The following POLR3B variants were observed in gnomAD, a reference collection of about 807,000 sequenced individuals.
POLR3B encodes the protein DNA-directed RNA polymerase III subunit RPC2.
Under a neutral mutation model 147.4 loss-of-function variants are expected in POLR3B, and 96 were observed. The observed-to-expected ratio is 0.65, with a 90% confidence interval of 0.55 to 0.77. POLR3B has a LOEUF of 0.77. POLR3B is among the 30% of genes least tolerant of loss of function. The probability of loss-of-function intolerance (pLI) is 0.00; values close to 1 mark genes in which losing one functional copy is unlikely to be tolerated. For synonymous variants in POLR3B, 461 were observed against 485.9 expected (o/e 0.95, Z 0.67); for missense variants, 1,036 against 1,413.5 (o/e 0.73, Z 4.28).
At chr12:106,358,001 G>A in intron 1 of POLR3B, 50 bp downstream of exon 1, 2 of 1,601,304 alleles carry the variant, frequency 1.2e-6, no homozygotes, top group Non-Finnish European at 8.5e-7. Flanking sequence ...GCGCCCTGAG[G>A]GGGCGTTGCC....
At position 106,368,322 on chromosome 12, in the gene POLR3B, T is replaced by C. The variant is rs541659009; in HGVS notation, c.228-953T>C. 2.6e-5 allele frequency among the ~76,000 whole-genome samples: 4 copies of C among 152,124 alleles called. No individual in the cohort carries two copies. In the South Asian group the frequency reaches 8.3e-4, roughly 32 times the overall value. On this transcript the variant is annotated intron_variant, in intron 4 of 27. Transcript: ENST00000228347. The stretch of plus-strand genomic sequence containing the variant: ...ACATGGACACTAAGATTTCAGCAGG[T>C]AGAGCTCAGAAATATGTGTATGTAT...
chr12:106,409,537 T>A (rs759769364), intron 11 of POLR3B, among the ~76,000 whole-genome samples: 14 of 151,782 alleles, frequency 9.2e-5, no homozygotes, highest in Non-Finnish European at 1.9e-4. Context: ...GAGAGTAAAT[T>A]GACCTAGAGA....
chr12:106,401,559 C>T (rs1399710060), intron 10 of POLR3B, among the ~76,000 whole-genome samples: 1 of 152,132 alleles, frequency 6.6e-6, no homozygotes, highest in African/African-American at 2.4e-5. Context: ...TGCAAAAATC[C>T]TCATTAAAAT....
intron 23 of POLR3B, among the ~76,000 whole-genome samples, chr12:106,468,890 TGTG>T (rs1397811662): frequency 1.3e-5 from 2 of 152,188 alleles, no homozygotes; most frequent in East Asian, 1.9e-4. Context: ...ATAAGTGCGA[TGTG>T]GTGCTGAGAA....
intron 11 of POLR3B, among the ~76,000 whole-genome samples, chr12:106,409,744 T>C (rs1316892991): frequency 6.6e-6 from 1 of 151,960 alleles, no homozygotes; most frequent in African/African-American, 2.4e-5. Context: ...GAGATTTCAT[T>C]GGGATTTTAC....
chr12:106,437,180 A>G (rs762357642), intron 17 of POLR3B, 49 bp downstream of exon 17: 6 of 1,171,588 alleles, frequency 5.1e-6, no homozygotes, highest in Admixed American at 3.5e-5. Flanking sequence ...ACCCACATAC[A>G]TGATTTAAGA....
chr12:106,494,894 TTAC>T (rs2038455958), intron 23 of POLR3B, among the ~76,000 whole-genome samples: 2 of 152,182 alleles, frequency 1.3e-5, no homozygotes, highest in African/African-American at 4.8e-5. Context: ...ATAACCAGTA[TTAC>T]CTAGGAAAAT....
At chr12:106,406,043 A>T in intron 11 of POLR3B, 67 bp downstream of exon 11, 2 of 1,550,366 alleles carry the variant, frequency 1.3e-6, no homozygotes, top group Non-Finnish European at 1.8e-6. Context: ...GAGAACTGTG[A>T]TAAGAGTTTA....
At chr12:106,391,208 C>T (rs2036908713) in intron 9 of POLR3B, among the ~76,000 whole-genome samples, 1 of 152,166 alleles carries the variant, frequency 6.6e-6, no homozygotes. Context: ...GACATAGTTT[C>T]TCACCACCGG....
In POLR3B at chr12:106,365,659, G is replaced by T. The variant is rs756890001; in HGVS notation, c.106-857G>T. ...CATTTGAGGTTGGGAGTTTGAGACC[G>T]ACTAGCCTGGCCAACATGGTGTAAC... On this transcript the variant is annotated intron_variant, in intron 2 of 27. Coordinates refer to ENST00000228347, the MANE Select transcript of POLR3B (RefSeq NM_018082.6). Among the ~76,000 whole-genome samples, 3 of 152,006 alleles carry T rather than the reference G, an allele frequency of 2.0e-5. No individual in the cohort carries two copies. The East Asian group carries it at 5.8e-4, about 29-fold the overall frequency.
intron 12 of POLR3B, among the ~76,000 whole-genome samples, chr12:106,415,658 C>T (rs981105554): frequency 2.6e-5 from 4 of 152,080 alleles, no homozygotes; most frequent in African/African-American, 9.7e-5. Flanking sequence ...GATGGTTATT[C>T]ATTTATTTTA....
intron 23 of POLR3B, 178 bp from the exon 24 acceptor site, chr12:106,495,877 T>G: frequency 2.8e-6 from 2 of 704,896 alleles, no homozygotes; most frequent in Non-Finnish European, 2.6e-6. Flanking sequence ...GAGAGTCGTT[T>G]TTGAACTGTT....
intron 10 of POLR3B, among the ~76,000 whole-genome samples, chr12:106,400,164 A>G (rs1405837656): frequency 6.6e-6 from 1 of 152,216 alleles, no homozygotes; most frequent in African/African-American, 2.4e-5. Context: ...GGAAAACAGA[A>G]AAAGGCAGGG....
At chr12:106,476,852 A>C (rs1246008358) in intron 23 of POLR3B, among the ~76,000 whole-genome samples, 3 of 152,014 alleles carry the variant, frequency 2.0e-5, no homozygotes, top group South Asian at 2.1e-4. Context: ...TCGTCTGAAG[A>C]CTTCTTCTCT....
rs117911920 is a variant in POLR3B at position 106,393,080 on chromosome 12, A to C, written c.773A>C (p.Glu258Ala). The C allele has an allele frequency of 1.0e-3, 1,685 of 1,614,234 alleles. 23 individuals carry two copies. The East Asian group carries it at 0.027, about 26-fold the overall frequency. The change falls in exon 10 of 28, where the codon GAG becomes GCG. Residue 258 changes from glutamate (E) to alanine (A), a missense_variant. Physicochemically the swap from Glu to Ala is moderately radical, Grantham distance 107 (BLOSUM62 -1). Coordinates refer to ENST00000228347, the MANE Select transcript of POLR3B (RefSeq NM_018082.6). Reference sequence around the variant, plus strand: ...GAAATTGTGCAGATGATTGGAACAGAGGAGCACGTGATGGCTGCATTTGGG... The same window carrying C: ...GAAATTGTGCAGATGATTGGAACAGCGGAGCACGTGATGGCTGCATTTGGG... Reference protein sequence around the residue: ...DQEIVQMIGTEEHVMAAFGPS... With the variant: ...DQEIVQMIGTAEHVMAAFGPS...
chr12:106,452,647 A>C (rs2037812070), intron 19 of POLR3B, among the ~76,000 whole-genome samples: 2 of 152,186 alleles, frequency 1.3e-5, no homozygotes, highest in Admixed American at 1.3e-4. Context: ...TTGTCAGTGA[A>C]CTTTACCATA....
chr12:106,496,940 T>C, intron 25 of POLR3B, 22 bp downstream of exon 25: 2 of 1,610,844 alleles, frequency 1.2e-6, no homozygotes. Flanking sequence ...ATTGAGCTAT[T>C]TTAAAGAAAA....
rs1222710903 is a variant in POLR3B at position 106,504,287 on chromosome 12, C to A, written c.3272+33C>A. The A allele has an allele frequency of 3.9e-6, 6 of 1,550,876 alleles. No individual in the cohort carries two copies. Among genetic ancestry groups the A allele is most frequent in the African/African-American group, 2.7e-5 (2 of 73,732 alleles). Reference sequence around the variant, plus strand: ...GATACCATATGTCTCCCATACCACACCCCTTGCCTCTTAAATCACAGCTCA... The same window carrying A: ...GATACCATATGTCTCCCATACCACAACCCTTGCCTCTTAAATCACAGCTCA... On this transcript the variant is annotated intron_variant, in intron 27 of 27. Transcript: ENST00000228347. The surrounding 1 kb of genome is among the most constrained non-coding windows in gnomAD (Gnocchi z 4.6).
At chr12:106,466,734 T>G (rs1259496481) in intron 23 of POLR3B, among the ~76,000 whole-genome samples, 1 of 152,228 alleles carries the variant, frequency 6.6e-6, no homozygotes, top group Non-Finnish European at 1.5e-5. Context: ...CTTGTGTGTG[T>G]CAGGTTTATC....
Sources: allele counts gnomAD v4.1 joint callset (sites outside exome capture counted in the v4.1 genomes callset), GRCh38; gene constraint gnomAD v4.1.1; non-coding constraint Gnocchi (gnomAD v3.1); transcripts MANE v1.5; gene names NCBI Gene and HGNC (gene_info 2026-07-23, HGNC 2026-07-21).